The following ADORA1 variants were observed in gnomAD, a reference collection of about 807,000 sequenced individuals.
The protein encoded by ADORA1 is adenosine receptor A1.
ADORA1 carries 6 observed loss-of-function variants against 19.9 expected under a neutral mutation model. The observed-to-expected ratio is 0.30, with a 90% CI of 0.17 to 0.59. The LOEUF (loss-of-function observed/expected upper bound fraction) is 0.59, where lower values mean the gene tolerates loss of function less well. Ranked by LOEUF, ADORA1 falls within the 20% of genes least tolerant of loss-of-function variation. The probability of loss-of-function intolerance (pLI) is 0.87; values close to 1 mark genes in which losing one functional copy is unlikely to be tolerated. For missense variants in ADORA1, 302 were observed against 439.2 expected (o/e 0.69, Z 2.79); for synonymous variants, 194 against 188.4 (o/e 1.03, Z -0.24).
At chr1:203,144,420 A>G (rs139985532) in intron 3 of ADORA1, among the ~76,000 whole-genome samples, 1 of 152,312 alleles carries the variant, frequency 6.6e-6, no homozygotes, top group East Asian at 1.9e-4. Flanking sequence ...GCCCTGTGCT[A>G]AATACTTTAT....
intron 3 of ADORA1, among the ~76,000 whole-genome samples, chr1:203,136,054 T>C (rs777632001): frequency 1.2e-4 from 19 of 152,098 alleles, no homozygotes; most frequent in Non-Finnish European, 2.6e-4. Context: ...CACATCTTGG[T>C]TGGCCTCATT....
chr1:203,154,314 G>A (rs1256749504), intron 3 of ADORA1, among the ~76,000 whole-genome samples: 2 of 152,208 alleles, frequency 1.3e-5, no homozygotes, highest in African/African-American at 2.4e-5. Context: ...GGATGACTGA[G>A]CTCAGTTCTT....
chr1:203,160,301 A>G (rs1655322239), intron 3 of ADORA1, among the ~76,000 whole-genome samples: 1 of 152,124 alleles, frequency 6.6e-6, no homozygotes. Context: ...ATTTTTTCAG[A>G]TTTTGGAATA....
rs138319404 is a variant in ADORA1, at chr1:203,160,386, C to T, written c.342-4875C>T. Among the ~76,000 whole-genome samples, 900 of 152,198 alleles carry T rather than the reference C, an allele frequency of 5.9e-3. 12 individuals carry two copies. Among genetic ancestry groups the T allele is most frequent in the South Asian group, 0.028 (137 of 4,820 alleles). On this transcript the variant is annotated intron_variant, in intron 3 of 3. Coordinates refer to ENST00000337894, the MANE Select transcript of ADORA1 (RefSeq NM_000674.3). The stretch of plus-strand genomic sequence containing the variant: ...GCTCAAATGAACATTTTTCTTTGAG[C>T]GTCTTGTTGGCATTCAAGTAGTGTT...
At chr1:203,154,531 G>C (rs1655134337) in intron 3 of ADORA1, among the ~76,000 whole-genome samples, 1 of 152,174 alleles carries the variant, frequency 6.6e-6, no homozygotes, top group Non-Finnish European at 1.5e-5. Flanking sequence ...TGATCCCGGA[G>C]CCCAGGGGCT....
intron 3 of ADORA1, among the ~76,000 whole-genome samples, chr1:203,142,068 C>T (rs1399113243): frequency 2.0e-5 from 3 of 152,204 alleles, no homozygotes; most frequent in Non-Finnish European, 4.4e-5. Flanking sequence ...TTCTGAGCTG[C>T]TTCCATTTCC....
chr1:203,130,587 T>C lies in ADORA1; in HGVS notation c.341+1405T>C, dbSNP rs114586031. Among the ~76,000 whole-genome samples the C allele has an allele frequency of 5.3e-3, 815 of 152,342 alleles. 5 individuals carry two copies. Among genetic ancestry groups the C allele is most frequent in the Middle Eastern group, 0.034 (10 of 294 alleles). On this transcript the variant is annotated intron_variant, in intron 3 of 3. Coordinates refer to ENST00000337894, the MANE Select transcript of ADORA1 (RefSeq NM_000674.3). The stretch of plus-strand genomic sequence containing the variant: ...CCCACATGCTGCCATTAGTCCCAGG[T>C]TGCTGCTGGGCTGCACATATAAAGC...
intron 3 of ADORA1, chr1:203,150,788 T>A: frequency 7.8e-7 from 1 of 1,289,472 alleles, no homozygotes; most frequent in Non-Finnish European, 1.0e-6. Context: ...GGTGGTGAGC[T>A]CTTCCTGTCT....
chr1:203,145,639 C>T (rs913829380), intron 3 of ADORA1, among the ~76,000 whole-genome samples: 10 of 152,070 alleles, frequency 6.6e-5, no homozygotes, highest in Admixed American at 1.3e-4. Flanking sequence ...GCTGTGTGCC[C>T]GAGGCTGTTC....
chr1:203,151,788 G>GCATGCATTCATTCATT (rs1553268500), intron 3 of ADORA1, among the ~76,000 whole-genome samples: 107 of 151,324 alleles, frequency 7.1e-4, no homozygotes, highest in Admixed American at 2.1e-3. Flanking sequence ...ATGCATGCAT[G>GCATGCATTCATTCATT]CATTCATTCA....
At chr1:203,143,314 A>G (rs1039608598) in intron 3 of ADORA1, among the ~76,000 whole-genome samples, 2 of 152,214 alleles carry the variant, frequency 1.3e-5, no homozygotes, top group Non-Finnish European at 2.9e-5. Flanking sequence ...TAAAGCCACC[A>G]GTTCCACTGG....
At chr1:203,159,405 G>A (rs550752103) in intron 3 of ADORA1, among the ~76,000 whole-genome samples, 44 of 152,184 alleles carry the variant, frequency 2.9e-4, no homozygotes, top group Admixed American at 5.9e-4. Context: ...GGCCTCTCTC[G>A]GGCCTTCACC....
rs1655493619 is a variant in ADORA1, at chr1:203,165,038, G to A, written c.342-223G>A. 1 of 1,549,282 alleles carries A rather than the reference G, an allele frequency of 6.5e-7. No homozygotes were observed. The highest frequency in any genetic ancestry group is 8.7e-7 in the Non-Finnish European group (1 of 1,146,384). The stretch of plus-strand genomic sequence containing the variant: ...TATTATTATTTTTGTCATTAATCAG[G>A]ATTTCCTCTCTCTGTAGGAGAATAA... On this transcript the variant is annotated intron_variant, in intron 3 of 3. Transcript: ENST00000337894. This position sits in a 1 kb window ranked among gnomAD's most constrained non-coding sequence, Gnocchi z 5.9.
At chr1:203,130,269 A>G (rs141694912) in intron 3 of ADORA1, among the ~76,000 whole-genome samples, 1 of 152,318 alleles carries the variant, frequency 6.6e-6, no homozygotes, top group African/African-American at 2.4e-5. Context: ...GTGCACATTT[A>G]ACTTTTCAAA....
chr1:203,151,486 T>A (rs1655032920), intron 3 of ADORA1, among the ~76,000 whole-genome samples: 1 of 152,256 alleles, frequency 6.6e-6, no homozygotes, highest in African/African-American at 2.4e-5. Flanking sequence ...TGTTTATCTA[T>A]GTCCTTGCAA....
rs1198702167 is a variant in ADORA1 at position 203,165,975 on chromosome 1, G to A, written c.*75G>A. The A allele has an allele frequency of 2.0e-6, 3 of 1,484,448 alleles. No individual in the cohort carries two copies. In the African/African-American group the frequency reaches 4.2e-5, roughly 21 times the overall value. 92.0% of individuals were successfully genotyped at this position (1,484,448 alleles called of 1,614,324 possible). ...GTCCTCACATGCCCGCTGTCCCAGG[G>A]GTCTCCCTGAGCCTGCCCCAGCTGG... On this transcript the variant is annotated 3_prime_UTR_variant, in exon 4 of 4. Coordinates refer to ENST00000337894, the MANE Select transcript of ADORA1 (RefSeq NM_000674.3). The surrounding 1 kb of genome is among the most constrained non-coding windows in gnomAD (Gnocchi z 5.9).
chr1:203,132,207 G>A (rs1481927472), intron 3 of ADORA1, among the ~76,000 whole-genome samples: 1 of 152,134 alleles, frequency 6.6e-6, no homozygotes, highest in Non-Finnish European at 1.5e-5. Context: ...CTTGGTAATT[G>A]AAGCCCTATT....
intron 3 of ADORA1, among the ~76,000 whole-genome samples, chr1:203,136,962 T>G (rs1654531257): frequency 6.6e-6 from 1 of 152,228 alleles, no homozygotes; most frequent in Non-Finnish European, 1.5e-5. Context: ...TCATGGAGAC[T>G]GAATTCTAAT....
chr1:203,157,475 G>A (rs964972677), intron 3 of ADORA1, among the ~76,000 whole-genome samples: 17 of 152,246 alleles, frequency 1.1e-4, no homozygotes, highest in Non-Finnish European at 1.5e-5. Flanking sequence ...GTGGATTGGA[G>A]TCTCATGCCT....
Sources: allele counts gnomAD v4.1 joint callset (sites outside exome capture counted in the v4.1 genomes callset), GRCh38; gene constraint gnomAD v4.1.1; non-coding constraint Gnocchi (gnomAD v3.1); transcripts MANE v1.5; gene names NCBI Gene and HGNC (gene_info 2026-07-23, HGNC 2026-07-21).